TRPM3: variants seen among roughly 807,000 people sequenced by gnomAD.
The protein encoded by TRPM3 is long transient receptor potential channel 3.
A neutral mutation model predicts 181.2 loss-of-function variants in TRPM3; 77 were observed. The ratio of observed to expected loss-of-function variants is 0.42; its 90% CI spans 0.35 to 0.51. The LOEUF (loss-of-function observed/expected upper bound fraction) is 0.51. Ranked by LOEUF, TRPM3 falls within the 20% of genes least tolerant of loss-of-function variation. The probability of loss-of-function intolerance (pLI) is 0.01; values close to 1 mark genes in which losing one functional copy is unlikely to be tolerated. For synonymous variants in TRPM3, 745 were observed against 796.4 expected, an observed-to-expected ratio of 0.94 and a Z score of 1.09; for missense variants, 1,759 against 2,196.7, an observed-to-expected ratio of 0.80 and a Z score of 3.98.
chr9:70,868,562 A>G lies in TRPM3; in HGVS notation c.178-4051T>C, dbSNP rs2095707907. 3.3e-5 allele frequency among the ~76,000 whole-genome samples: 5 copies of G among 152,172 alleles called. No homozygotes were observed. The South Asian group carries it at 1.0e-3, about 32-fold the overall frequency. Reference sequence around the variant, plus strand: ...TCTTACTATGTCCTCCCCACCAGCTATCGAATCAAGTTCTCCAGGCAGGAA... The same window carrying G: ...TCTTACTATGTCCTCCCCACCAGCTGTCGAATCAAGTTCTCCAGGCAGGAA... On this transcript the variant is annotated intron_variant, in intron 1 of 25. Transcript: ENST00000677713.
intron 8 of TRPM3, 89 bp downstream of exon 8, chr9:70,761,512 A>G (rs780537577): frequency 3.8e-6 from 6 of 1,586,864 alleles, no homozygotes; most frequent in Non-Finnish European, 5.2e-6. Flanking sequence ...AGAAAGAGAG[A>G]ATGTTGCATG....
At chr9:71,318,278 T>C (rs891799454) in intron 1 of TRPM3, among the ~76,000 whole-genome samples, 2 of 152,186 alleles carry the variant, frequency 1.3e-5, no homozygotes, top group Non-Finnish European at 2.9e-5. Flanking sequence ...CCAAATATAA[T>C]CATGTTCCAT....
rs563339410 is a variant in TRPM3 at position 70,835,326 on chromosome 9, G to A, written c.802-7308C>T. 1.2e-4 allele frequency among the ~76,000 whole-genome samples: 18 copies of A among 148,568 alleles called. No homozygotes were observed. In the East Asian group the frequency reaches 2.5e-3, roughly 21 times the overall value. On this transcript the variant is annotated intron_variant, in intron 5 of 25. Coordinates refer to ENST00000677713, the MANE Select transcript of TRPM3 (RefSeq NM_001366145.2). Reference sequence around the variant, plus strand: ...CTTTTGAGGTACTTTTTTTTTTTACGTAACAATAGCTAACATAATAATGTA... The same window carrying A: ...CTTTTGAGGTACTTTTTTTTTTTACATAACAATAGCTAACATAATAATGTA...
rs1238672070 is a variant in TRPM3, at chr9:70,529,930, C to T, written c.*6023G>A. 6.6e-6 allele frequency: 1 copy of T among 152,206 alleles called. No homozygotes were observed. Among genetic ancestry groups the T allele is most frequent in the Non-Finnish European group, 1.5e-5 (1 of 68,046 alleles). The allele number at this position is 152,206 out of a possible 1,614,324, so 9.4% of individuals were successfully genotyped here. On this transcript the variant is annotated 3_prime_UTR_variant, in exon 26 of 26. Transcript: ENST00000677713. ...CTACTTCTGTTGACTTTCACCAGTC[C>T]AGTTCACACATTTGTGTTTTCTGGA...
chr9:70,983,289 C>G (rs1172986265), intron 1 of TRPM3, among the ~76,000 whole-genome samples: 1 of 152,070 alleles, frequency 6.6e-6, no homozygotes, highest in African/African-American at 2.4e-5. Flanking sequence ...AATACAGGAG[C>G]TTCTCCAGGA....
intron 1 of TRPM3, among the ~76,000 whole-genome samples, chr9:71,031,490 A>G (rs1467995992): frequency 2.0e-5 from 3 of 152,316 alleles, no homozygotes; most frequent in Admixed American, 1.3e-4. Context: ...GATATATAGC[A>G]TAGTAATCAG....
chr9:70,556,286 T>C (rs11142486), intron 22 of TRPM3, among the ~76,000 whole-genome samples: 5,038 of 152,064 alleles, frequency 0.033, 278 homozygotes, highest in African/African-American at 0.11. Flanking sequence ...AATATCTTTA[T>C]TGAAGATTTG....
At chr9:71,101,286 C>T (rs1045804115) in intron 1 of TRPM3, among the ~76,000 whole-genome samples, 3 of 152,118 alleles carry the variant, frequency 2.0e-5, no homozygotes, top group Non-Finnish European at 2.9e-5. Context: ...CTCTTAAACA[C>T]CCACAATACC....
intron 1 of TRPM3, among the ~76,000 whole-genome samples, chr9:70,891,236 A>C (rs1249506353): frequency 6.6e-6 from 1 of 152,194 alleles, no homozygotes; most frequent in Non-Finnish European, 1.5e-5. Context: ...AAATTTGCAT[A>C]GTCATAGAAA....
chr9:71,145,871 C>T (rs193007601), intron 1 of TRPM3, among the ~76,000 whole-genome samples: 2 of 151,682 alleles, frequency 1.3e-5, no homozygotes, highest in Admixed American at 6.6e-5. Flanking sequence ...CATTAAAATT[C>T]CCCCCTCATT....
At chr9:70,912,147 C>T (rs2096544381) in intron 1 of TRPM3, among the ~76,000 whole-genome samples, 1 of 152,134 alleles carries the variant, frequency 6.6e-6, no homozygotes, top group African/African-American at 2.4e-5. Flanking sequence ...CCAGTATAGA[C>T]AGGAGAAGTC....
intron 22 of TRPM3, among the ~76,000 whole-genome samples, chr9:70,584,943 A>C (rs1588879579): frequency 6.6e-6 from 1 of 152,130 alleles, no homozygotes; most frequent in East Asian, 1.9e-4. Flanking sequence ...GGAAACACAC[A>C]ACTTATCTAT....
At chr9:71,022,766 C>T (rs531353020) in intron 1 of TRPM3, among the ~76,000 whole-genome samples, 4 of 152,050 alleles carry the variant, frequency 2.6e-5, no homozygotes, top group Non-Finnish European at 5.9e-5. Context: ...AGCAAACTAC[C>T]ATGGCACATG....
intron 1 of TRPM3, among the ~76,000 whole-genome samples, chr9:71,141,573 T>C (rs2075100637): frequency 6.6e-6 from 1 of 152,174 alleles, no homozygotes; most frequent in Non-Finnish European, 1.5e-5. Context: ...TTAAAGGGGC[T>C]TTTCAAACAC....
intron 9 of TRPM3, among the ~76,000 whole-genome samples, chr9:70,644,408 C>T (rs1259967706): frequency 1.3e-5 from 2 of 152,124 alleles, no homozygotes; most frequent in Non-Finnish European, 2.9e-5. Flanking sequence ...GGCTGCCCTC[C>T]TGAAATGAGG....
At chr9:71,168,684 G>A (rs1444329874) in intron 1 of TRPM3, among the ~76,000 whole-genome samples, 1 of 135,186 alleles carries the variant, frequency 7.4e-6, no homozygotes, top group Non-Finnish European at 1.6e-5. Context: ...TTTCTACATG[G>A]ATTACACTGT....
chr9:71,267,717 C>T (rs1565402402), intron 1 of TRPM3, among the ~76,000 whole-genome samples: 1 of 152,062 alleles, frequency 6.6e-6, no homozygotes, highest in East Asian at 1.9e-4. Context: ...TTTAAATGCC[C>T]AGCCACACAG....
intron 2 of TRPM3, among the ~76,000 whole-genome samples, chr9:70,863,540 T>G (rs972685327): frequency 5.3e-5 from 8 of 152,148 alleles, no homozygotes; most frequent in African/African-American, 1.9e-4. Context: ...GAATCTCACT[T>G]CTTTGTGAAT....
At chr9:71,026,744 C>T (rs1025273710) in intron 1 of TRPM3, among the ~76,000 whole-genome samples, 3 of 152,184 alleles carry the variant, frequency 2.0e-5, no homozygotes, top group African/African-American at 7.2e-5. Flanking sequence ...CTCCCCTGCA[C>T]CCTAAGCGGC....
Sources: allele counts gnomAD v4.1 joint callset (sites outside exome capture counted in the v4.1 genomes callset), GRCh38; gene constraint gnomAD v4.1.1; transcripts MANE v1.5; gene names NCBI Gene and HGNC (gene_info 2026-07-23, HGNC 2026-07-21).